Variants in PIK3C2G observed in about 807,000 individuals in gnomAD.
The protein encoded by PIK3C2G is phosphatidylinositol-4-phosphate 3-kinase catalytic subunit type 2 gamma.
PIK3C2G carries 168 observed loss-of-function variants against 181.1 expected under a neutral mutation model. The ratio of observed to expected loss-of-function variants is 0.93; its 90% confidence interval spans 0.82 to 1.05. The LOEUF (loss-of-function observed/expected upper bound fraction) is 1.05, where lower values mean the gene tolerates loss of function less well. Among genes scored for constraint, PIK3C2G ranks in the 50% least tolerant of loss-of-function variants. PIK3C2G has a pLI of 0.00. For synonymous variants in PIK3C2G, 573 were observed against 592.2 expected (o/e 0.97, Z 0.47); for missense variants, 1,869 against 1,732.8 (o/e 1.08, Z -1.40).
intron 29 of PIK3C2G, among the ~76,000 whole-genome samples, chr12:18,591,286 G>T (rs1947066282): frequency 6.6e-6 from 1 of 151,992 alleles, no homozygotes; most frequent in Non-Finnish European, 1.5e-5. Flanking sequence ...AAACTGCTGT[G>T]CAGATAAGAA....
At chr12:18,250,609 C>A (rs1273097359) in intron 1 of PIK3C2G, among the ~76,000 whole-genome samples, 3 of 151,974 alleles carry the variant, frequency 2.0e-5, no homozygotes, top group African/African-American at 7.2e-5. Flanking sequence ...TAAGAGTATT[C>A]AAATTAAATA....
At chr12:18,259,854 A>G (rs1948190718), upstream of PIK3C2G, among the ~76,000 whole-genome samples, 1 of 152,122 alleles carries the variant, frequency 6.6e-6, no homozygotes, top group Non-Finnish European at 1.5e-5. Flanking sequence ...ACCAGGTAAG[A>G]CAGAAGGCTT....
chr12:18,500,891 C>A (rs187478649), intron 22 of PIK3C2G, among the ~76,000 whole-genome samples: 1 of 152,272 alleles, frequency 6.6e-6, no homozygotes, highest in East Asian at 1.9e-4. Context: ...CCGCGAAGGT[C>A]TGTAGCTTCA....
intron 18 of PIK3C2G, among the ~76,000 whole-genome samples, chr12:18,442,489 C>T (rs1192329509): frequency 2.1e-4 from 32 of 151,996 alleles, no homozygotes; most frequent in Non-Finnish European, 2.9e-5. Flanking sequence ...AAATATCTTT[C>T]GATTTGGAGG....
intron 30 of PIK3C2G, among the ~76,000 whole-genome samples, chr12:18,604,387 G>C (rs922327283): frequency 2.6e-5 from 4 of 152,038 alleles, no homozygotes; most frequent in African/African-American, 9.7e-5. Flanking sequence ...GGCTCCCAAA[G>C]TTATAAAACA....
At chr12:18,439,490 T>A (rs1565724184) in intron 18 of PIK3C2G, among the ~76,000 whole-genome samples, 1 of 152,138 alleles carries the variant, frequency 6.6e-6, no homozygotes, top group East Asian at 1.9e-4. Context: ...TGAAATAGAG[T>A]TGAGTGTTAG....
intron 8 of PIK3C2G, among the ~76,000 whole-genome samples, chr12:18,336,990 T>A (rs1282130871): frequency 6.6e-6 from 1 of 152,144 alleles, no homozygotes; most frequent in Non-Finnish European, 1.5e-5. Context: ...GAATTAAAAA[T>A]TTTTTATGCT....
chr12:18,665,491 T>C, the PIK3C2G span, among the ~76,000 whole-genome samples: 61,494 of 152,100 alleles, frequency 0.4, 14,598 homozygotes, highest in South Asian at 0.6. Context: ...TAAAAGATAA[T>C]TATATAAAAC....
At chr12:18,665,978 G>A in the PIK3C2G span, among the ~76,000 whole-genome samples, 1 of 150,656 alleles carries the variant, frequency 6.6e-6, no homozygotes, top group Non-Finnish European at 1.5e-5. Flanking sequence ...GCATGCCTGA[G>A]GTATGGAGCT....
intron 8 of PIK3C2G, among the ~76,000 whole-genome samples, chr12:18,331,062 A>C (rs974046139): frequency 2.0e-5 from 3 of 152,100 alleles, no homozygotes; most frequent in Non-Finnish European, 4.4e-5. Context: ...TTATAGTTGT[A>C]GTTCTAGACC....
At chr12:18,313,520 T>C (rs1382734708) in intron 5 of PIK3C2G, among the ~76,000 whole-genome samples, 5 of 152,100 alleles carry the variant, frequency 3.3e-5, no homozygotes, top group Admixed American at 6.6e-5. Flanking sequence ...CAATGCTTTC[T>C]TGAGACAAGG....
At chr12:18,375,462 T>C (rs1942369212) in intron 13 of PIK3C2G, among the ~76,000 whole-genome samples, 2 of 152,174 alleles carry the variant, frequency 1.3e-5, no homozygotes, top group South Asian at 4.1e-4. Context: ...CAGCCTCATC[T>C]CAGATTCAGG....
intron 16 of PIK3C2G, among the ~76,000 whole-genome samples, chr12:18,408,147 G>A (rs1447918618): frequency 6.6e-6 from 1 of 152,146 alleles, no homozygotes; most frequent in African/African-American, 2.4e-5. Context: ...CCATGACTAT[G>A]TTCTGAATGG....
chr12:18,618,767 C>T (rs1948715279), intron 31 of PIK3C2G, among the ~76,000 whole-genome samples: 1 of 151,988 alleles, frequency 6.6e-6, no homozygotes, highest in African/African-American at 2.4e-5. Context: ...AAATAAAAAT[C>T]ACAAAACAAA....
At chr12:18,312,697 C>G (rs1950690985) in intron 5 of PIK3C2G, among the ~76,000 whole-genome samples, 1 of 151,924 alleles carries the variant, frequency 6.6e-6, no homozygotes, top group Non-Finnish European at 1.5e-5. Context: ...ACCCCAGGGA[C>G]AAGAATCTAG....
At chr12:18,471,889 T>G (rs993892775) in intron 18 of PIK3C2G, among the ~76,000 whole-genome samples, 1 of 152,108 alleles carries the variant, frequency 6.6e-6, no homozygotes, top group Admixed American at 6.6e-5. Flanking sequence ...TAATCAATAT[T>G]TATTAAACTT....
chr12:18,336,456 T>C (rs2137578568), intron 8 of PIK3C2G, among the ~76,000 whole-genome samples: 1 of 152,256 alleles, frequency 6.6e-6, no homozygotes, highest in East Asian at 1.9e-4. Context: ...TAGTACTTTC[T>C]CAAATCTAGT....
the PIK3C2G span, among the ~76,000 whole-genome samples, chr12:18,686,451 T>C: frequency 6.6e-6 from 1 of 152,122 alleles, no homozygotes; most frequent in African/African-American, 2.4e-5. Context: ...TCCACCCATC[T>C]TGAGTTTCTT....
At chr12:18,570,062 A>G (rs1032302114) in intron 29 of PIK3C2G, among the ~76,000 whole-genome samples, 5 of 152,166 alleles carry the variant, frequency 3.3e-5, no homozygotes, top group African/African-American at 9.7e-5. Context: ...AGTGAAATGT[A>G]TCAATATTTT....
Sources: allele counts gnomAD v4.1 joint callset (sites outside exome capture counted in the v4.1 genomes callset), GRCh38; gene constraint gnomAD v4.1.1; transcripts MANE v1.5; gene names NCBI Gene and HGNC (gene_info 2026-07-23, HGNC 2026-07-21).